Variants in KANSL1 observed in about 807,000 individuals in gnomAD.
KANSL1 encodes the protein MLL1/MLL complex subunit KANSL1.
KANSL1 carries 22 observed loss-of-function variants against 103.6 expected under a neutral mutation model. That is an observed-to-expected ratio of 0.21 (90% CI 0.15 to 0.30). The LOEUF (loss-of-function observed/expected upper bound fraction) is 0.30, where lower values mean the gene tolerates loss of function less well. KANSL1 is among the 10% of genes least tolerant of loss of function. KANSL1 has a pLI of 1.00. For missense variants in KANSL1, 1,337 were observed against 1,399.8 expected, an observed-to-expected ratio of 0.96 and a Z score of 0.72; for synonymous variants, 600 against 527.6, an observed-to-expected ratio of 1.14 and a Z score of -1.88.
In KANSL1 at chr17:46,172,004, T is replaced by C. The variant is rs1209242137; in HGVS notation, c.140A>G (p.Asn47Ser). The C allele has an allele frequency of 6.2e-6, 10 of 1,614,278 alleles. No homozygotes were observed. Among genetic ancestry groups the C allele is most frequent in the East Asian group, 4.5e-5 (2 of 44,892 alleles). ...NGNANILIAA[N>S]GTKRKAIAAE... ...AGCAATGGCTTTTCTTTTGGTTCCGTTGGCAGCAATAAGGATGTTGGCGTT... is the reference window on the plus strand; with the variant it reads ...AGCAATGGCTTTTCTTTTGGTTCCGCTGGCAGCAATAAGGATGTTGGCGTT... The change falls in exon 2 of 15, where the codon AAC becomes AGC. Residue 47 changes from asparagine to serine, a missense_variant. By Grantham distance (46) the Asn-to-Ser change is conservative. Transcript: ENST00000432791.
intron 1 of KANSL1, 51 bp downstream of exon 1, chr17:46,192,769 GAGA>G (rs1339686968): frequency 1.4e-4 from 22 of 157,350 alleles, no homozygotes; most frequent in Non-Finnish European, 2.4e-4. Context: ...GGAGAGCGAG[GAGA>G]AGGAGAAAGG....
chr17:46,046,698 G>A (rs961838045), intron 7 of KANSL1, among the ~76,000 whole-genome samples: 7 of 151,622 alleles, frequency 4.6e-5, no homozygotes, highest in African/African-American at 7.3e-5. Context: ...TTAGCCGGGC[G>A]TGGTGGCGCG....
intron 1 of KANSL1, among the ~76,000 whole-genome samples, chr17:46,186,927 G>T (rs1361026481): frequency 6.6e-6 from 1 of 151,906 alleles, no homozygotes; most frequent in Non-Finnish European, 1.5e-5. Context: ...TAGAGACAGG[G>T]TTTCACCATG....
At chr17:46,123,762 A>C (rs933816300) in intron 2 of KANSL1, among the ~76,000 whole-genome samples, 1 of 152,262 alleles carries the variant, frequency 6.6e-6, no homozygotes. Flanking sequence ...GTTTAAGGAA[A>C]TAAGCCATCT....
intron 2 of KANSL1, among the ~76,000 whole-genome samples, chr17:46,169,322 T>C (rs1197678527): frequency 2.6e-5 from 4 of 152,096 alleles, no homozygotes; most frequent in Admixed American, 2.6e-4. Flanking sequence ...TTGAGCACAG[T>C]GAACTAACAA....
intron 6 of KANSL1, 150 bp from the exon 7 acceptor site, chr17:46,050,854 T>C (rs2077687759): frequency 4.9e-6 from 3 of 613,104 alleles, no homozygotes; most frequent in South Asian, 2.4e-5. Flanking sequence ...ACTAAAAGGA[T>C]GTTTGATTAG....
intron 12 of KANSL1, 29 bp from the exon 13 acceptor site, chr17:46,033,221 T>C: frequency 1.3e-6 from 2 of 1,545,844 alleles, no homozygotes; most frequent in East Asian, 2.3e-5. Context: ...ATCGATCCCC[T>C]CTTTTCTCCA....
chr17:46,194,831 GT>G (rs1292031771), upstream of KANSL1, among the ~76,000 whole-genome samples: 1 of 152,174 alleles, frequency 6.6e-6, no homozygotes, highest in Non-Finnish European at 1.5e-5. Flanking sequence ...TTACAGAACG[GT>G]TTTAGTCTTC....
chr17:46,073,596 A>G (rs1035028001), intron 4 of KANSL1, among the ~76,000 whole-genome samples: 1 of 152,186 alleles, frequency 6.6e-6, no homozygotes, highest in Non-Finnish European at 1.5e-5. Context: ...TAGCTTTTTT[A>G]GAACCACAGT....
chr17:46,224,047 A>C (rs1475445316), upstream of KANSL1, among the ~76,000 whole-genome samples: 1 of 152,116 alleles, frequency 6.6e-6, no homozygotes, highest in African/African-American at 2.4e-5. Flanking sequence ...ATTGCTTATC[A>C]AACAATTAGC....
At chr17:46,153,107 G>A (rs953144749) in intron 2 of KANSL1, 6 of 152,186 alleles carry the variant, frequency 3.9e-5, no homozygotes, top group Non-Finnish European at 8.8e-5. Context: ...TGACTTCCTG[G>A]TCATATCACA....
chr17:46,059,295 G>A (rs1428634627), intron 6 of KANSL1, among the ~76,000 whole-genome samples: 1 of 152,018 alleles, frequency 6.6e-6, no homozygotes, highest in East Asian at 1.9e-4. Context: ...AGTCTCGTGA[G>A]GAGACTAGAA....
intron 2 of KANSL1, among the ~76,000 whole-genome samples, chr17:46,151,848 A>G (rs896119494): frequency 1.3e-5 from 2 of 152,356 alleles, no homozygotes; most frequent in Admixed American, 1.3e-4. Flanking sequence ...TTCTGGAAGG[A>G]AAATCTACAG....
upstream of KANSL1, among the ~76,000 whole-genome samples, chr17:46,196,877 T>G (rs1023667273): frequency 1.3e-5 from 2 of 152,192 alleles, no homozygotes; most frequent in African/African-American, 4.8e-5. Context: ...GAGGCCAATG[T>G]GAGAGTATTG....
chr17:46,133,266 C>T (rs1409996280), intron 2 of KANSL1, among the ~76,000 whole-genome samples: 1 of 152,156 alleles, frequency 6.6e-6, no homozygotes, highest in South Asian at 2.1e-4. Context: ...TCTGAGGGAA[C>T]GATACCAAGC....
chr17:46,119,893 G>A lies in KANSL1; in HGVS notation c.1290-25192C>T, dbSNP rs1207111651. 6.6e-5 allele frequency: 10 copies of A among 152,158 alleles called. No homozygotes were observed. The East Asian group carries it at 1.2e-3, about 18-fold the overall frequency. The allele number at this position is 152,158 out of a possible 1,614,324, so 9.4% of individuals were successfully genotyped here. On this transcript the variant is annotated intron_variant, in intron 2 of 14. Transcript: ENST00000432791. ...TTCTGCTTCTAGTCTTACACCCAAC[G>A]GTGCTCCTCACTCATTGCCTATGGG...
intron 2 of KANSL1, among the ~76,000 whole-genome samples, chr17:46,150,178 C>T (rs2045012822): frequency 6.6e-6 from 1 of 150,632 alleles, no homozygotes; most frequent in Non-Finnish European, 1.5e-5. Flanking sequence ...TACTAGATTC[C>T]AAATTGTATT....
At chr17:46,115,876 G>A (rs1316513910) in intron 2 of KANSL1, among the ~76,000 whole-genome samples, 1 of 152,210 alleles carries the variant, frequency 6.6e-6, no homozygotes, top group Non-Finnish European at 1.5e-5. Flanking sequence ...TCAGGCAAAT[G>A]CCACATAACT....
intron 6 of KANSL1, among the ~76,000 whole-genome samples, chr17:46,055,076 C>G (rs923957025): frequency 7.2e-5 from 11 of 151,866 alleles, no homozygotes; most frequent in African/African-American, 2.7e-4. Flanking sequence ...GTCTCGATCT[C>G]CTGACCTCGT....
Sources: allele counts gnomAD v4.1 joint callset (sites outside exome capture counted in the v4.1 genomes callset), GRCh38; gene constraint gnomAD v4.1.1; transcripts MANE v1.5; gene names NCBI Gene and HGNC (gene_info 2026-07-23, HGNC 2026-07-21).